GRID2: variants seen among roughly 807,000 people sequenced by gnomAD.
GRID2 encodes the protein glutamate receptor ionotropic, delta-2.
A neutral mutation model predicts 114.8 loss-of-function variants in GRID2; 33 were observed. That is an observed-to-expected ratio of 0.29 (90% CI 0.22 to 0.38). The LOEUF is 0.38. Ranked by LOEUF, GRID2 falls within the 10% of genes least tolerant of loss-of-function variation. GRID2 has a pLI of 1.00. For synonymous variants in GRID2, 505 were observed against 449.9 expected (o/e 1.12, Z -1.55); for missense variants, 1,184 against 1,257.7 (o/e 0.94, Z 0.89).
intron 13 of GRID2, among the ~76,000 whole-genome samples, chr4:93,523,295 G>A (rs1041508292): frequency 6.6e-6 from 1 of 152,108 alleles, no homozygotes; most frequent in African/African-American, 2.4e-5. Context: ...TATAGGTAAG[G>A]TGATTATTTT....
At chr4:92,357,009 G>A (rs956739795) in intron 1 of GRID2, among the ~76,000 whole-genome samples, 21 of 151,546 alleles carry the variant, frequency 1.4e-4, no homozygotes, top group African/African-American at 5.1e-4. Context: ...CAACATGCAC[G>A]GATCCACAAA....
At chr4:93,009,752 T>A (rs993590649) in intron 2 of GRID2, among the ~76,000 whole-genome samples, 1 of 152,120 alleles carries the variant, frequency 6.6e-6, no homozygotes, top group Admixed American at 6.6e-5. Flanking sequence ...TTTCCAAGTA[T>A]TTCTGGAAGA....
In GRID2 at chr4:92,936,215, CTT is replaced by C. The variant is rs773504489; in HGVS notation, c.245-148777_245-148776del. Among the ~76,000 whole-genome samples, 15 of 146,152 alleles carry C rather than the reference CTT, an allele frequency of 1.0e-4. 1 individual carries two copies. Among genetic ancestry groups the C allele is most frequent in the Non-Finnish European group, 1.5e-4 (10 of 66,008 alleles). On this transcript the variant is annotated intron_variant, in intron 2 of 15. Transcript: ENST00000282020. The stretch of plus-strand genomic sequence containing the variant: ...TTCACAAACGAATCATTATGAAACA[CTT>C]TTGACACCAATTTGATCTGTTGACT...
At chr4:93,163,401 C>T (rs202216914) in intron 4 of GRID2, among the ~76,000 whole-genome samples, 51 of 22,904 alleles carry the variant, frequency 2.2e-3, no homozygotes, top group African/African-American at 6.5e-3. Context: ...TATATATATA[C>T]ACTATATATA....
chr4:92,849,463 G>T lies in GRID2; in HGVS notation c.245-235532G>T, dbSNP rs185221868. Among the ~76,000 whole-genome samples the T allele has an allele frequency of 4.5e-4, 68 of 151,974 alleles. No homozygotes were observed. The East Asian group carries it at 0.013, about 29-fold the overall frequency. On this transcript the variant is annotated intron_variant, in intron 2 of 15. Transcript: ENST00000282020. ...GAGTGGGAAGAAGCAGTTGTCAAAGGCAGGTAAAAGGCATGACTTGGCTAA... is the reference window on the plus strand; with the variant it reads ...GAGTGGGAAGAAGCAGTTGTCAAAGTCAGGTAAAAGGCATGACTTGGCTAA...
intron 8 of GRID2, among the ~76,000 whole-genome samples, chr4:93,314,485 T>C (rs1357814587): frequency 2.6e-5 from 4 of 152,230 alleles, no homozygotes; most frequent in East Asian, 3.9e-4. Flanking sequence ...TGCTGTTCAC[T>C]GGAACATTCT....
At chr4:92,696,619 T>C (rs1337071078) in intron 2 of GRID2, among the ~76,000 whole-genome samples, 6 of 152,162 alleles carry the variant, frequency 3.9e-5, no homozygotes, top group Non-Finnish European at 8.8e-5. Flanking sequence ...CAGAATCGTA[T>C]ATCCATATTG....
At chr4:92,368,718 G>T (rs749530376) in intron 1 of GRID2, among the ~76,000 whole-genome samples, 4 of 151,998 alleles carry the variant, frequency 2.6e-5, no homozygotes, top group African/African-American at 7.2e-5. Context: ...CCTACTCGGA[G>T]TCTATGATTT....
intron 2 of GRID2, among the ~76,000 whole-genome samples, chr4:93,040,757 A>T (rs1406173908): frequency 1.3e-5 from 2 of 152,136 alleles, no homozygotes; most frequent in Non-Finnish European, 2.9e-5. Context: ...GTTAGGTAAG[A>T]AATTAATAAT....
intron 2 of GRID2, among the ~76,000 whole-genome samples, chr4:92,689,629 A>G (rs1227516765): frequency 6.6e-6 from 1 of 152,210 alleles, no homozygotes; most frequent in African/African-American, 2.4e-5. Context: ...CTAATTCATG[A>G]TGATCAGAGG....
chr4:93,484,488 CA>C (rs1235918123), intron 11 of GRID2, among the ~76,000 whole-genome samples: 1 of 151,760 alleles, frequency 6.6e-6, no homozygotes, highest in Admixed American at 6.6e-5. Context: ...TGAAATTTAA[CA>C]GAGTTGAATT....
At chr4:92,770,970 C>A (rs970761998) in intron 2 of GRID2, among the ~76,000 whole-genome samples, 4 of 151,784 alleles carry the variant, frequency 2.6e-5, no homozygotes, top group Non-Finnish European at 4.4e-5. Flanking sequence ...TTTCTTAGAA[C>A]AGTACTTCTG....
intron 1 of GRID2, among the ~76,000 whole-genome samples, chr4:92,527,216 A>T (rs1725086489): frequency 6.6e-6 from 1 of 152,124 alleles, no homozygotes; most frequent in African/African-American, 2.4e-5. Flanking sequence ...GAGAGAAGTA[A>T]GATTTTATAA....
chr4:93,033,966 G>C (rs1724678666), intron 2 of GRID2, among the ~76,000 whole-genome samples: 2 of 152,148 alleles, frequency 1.3e-5, no homozygotes, highest in African/African-American at 4.8e-5. Context: ...GTTGTGATTA[G>C]TAGGTAATCA....
intron 8 of GRID2, among the ~76,000 whole-genome samples, chr4:93,276,577 T>G (rs1752082545): frequency 6.6e-6 from 1 of 152,042 alleles, no homozygotes; most frequent in Admixed American, 6.6e-5. Flanking sequence ...GTCTTTCCAC[T>G]TACTTAGATC....
rs186008791 is a variant in GRID2, at chr4:93,197,950, T to C, written c.736-9454T>C. ...ACTTGAGAAAATGTAAATTGATTCA[T>C]TTTCTGATTTAATTTTTTAATTAAA... On this transcript the variant is annotated intron_variant, in intron 4 of 15. Transcript: ENST00000282020. Among the ~76,000 whole-genome samples, 42 of 152,312 alleles carry C rather than the reference T, an allele frequency of 2.8e-4. No homozygotes were observed. The East Asian group carries it at 7.9e-3, about 29-fold the overall frequency.
At chr4:93,595,056 A>G (rs997765784) in intron 13 of GRID2, among the ~76,000 whole-genome samples, 4 of 152,142 alleles carry the variant, frequency 2.6e-5, no homozygotes, top group African/African-American at 4.8e-5. Flanking sequence ...AGCTGTTCCT[A>G]TTCAGCCATC....
intron 2 of GRID2, among the ~76,000 whole-genome samples, chr4:92,652,341 T>C (rs770772752): frequency 6.6e-6 from 1 of 151,972 alleles, no homozygotes; most frequent in Non-Finnish European, 1.5e-5. Flanking sequence ...TGTAGCCTAG[T>C]CAAGTTGACA....
chr4:92,489,210 T>C (rs898438772), intron 1 of GRID2, among the ~76,000 whole-genome samples: 18 of 152,170 alleles, frequency 1.2e-4, no homozygotes, highest in Admixed American at 1.1e-3. Context: ...CACTCTATGG[T>C]TGATAACAAT....
Sources: allele counts gnomAD v4.1 joint callset (sites outside exome capture counted in the v4.1 genomes callset), GRCh38; gene constraint gnomAD v4.1.1; transcripts MANE v1.5; gene names NCBI Gene and HGNC (gene_info 2026-07-23, HGNC 2026-07-21).